PPP2R1A: variants seen among roughly 807,000 people sequenced by gnomAD.
The protein encoded by PPP2R1A is protein phosphatase 2 scaffold subunit Aalpha.
PPP2R1A carries 15 observed loss-of-function variants against 67.1 expected under a neutral mutation model. That is an observed-to-expected ratio of 0.22 (90% CI 0.15 to 0.34). The LOEUF is 0.34. Among genes scored for constraint, PPP2R1A ranks in the 10% least tolerant of loss-of-function variants. The pLI is 1.00. For synonymous variants in PPP2R1A, 337 were observed against 325.0 expected, an observed-to-expected ratio of 1.04 and a Z score of -0.40; for missense variants, 369 against 775.0, an observed-to-expected ratio of 0.48 and a Z score of 6.22.
intron 2 of PPP2R1A, among the ~76,000 whole-genome samples, chr19:52,204,323 C>T (rs1263188553): frequency 6.6e-6 from 1 of 151,974 alleles, no homozygotes; most frequent in Non-Finnish European, 1.5e-5. Flanking sequence ...ATTTCTTTTA[C>T]ACCTGAAAGA....
At chr19:52,202,436 G>A (rs1424227689) in intron 2 of PPP2R1A, among the ~76,000 whole-genome samples, 1 of 152,176 alleles carries the variant, frequency 6.6e-6, no homozygotes, top group African/African-American at 2.4e-5. Context: ...TGTATGCCAG[G>A]TGGTGTTCTA....
Position 52,215,762 on chromosome 19 carries a change from C to T in PPP2R1A, c.808-17C>T, listed in dbSNP as rs1383169086. The T allele has an allele frequency of 4.4e-6, 7 of 1,608,580 alleles. No individual in the cohort carries two copies. Among genetic ancestry groups the T allele is most frequent in the Non-Finnish European group, 6.0e-6 (7 of 1,175,014 alleles). ...GCCAGCCCCTCTCACTCTCCCCCTC[C>T]TCCTTCCTGTCTGCAGCTCCAGAAA... is the stretch of plus-strand genomic sequence containing the variant. On this transcript the variant is annotated splice_polypyrimidine_tract_variant and intron_variant, in intron 6 of 14. Transcript: ENST00000322088.
chr19:52,206,663 G>A (rs1406165698), intron 3 of PPP2R1A, among the ~76,000 whole-genome samples: 1 of 152,118 alleles, frequency 6.6e-6, no homozygotes, highest in African/African-American at 2.4e-5. Flanking sequence ...CTGTCCATTT[G>A]ACTGTCTGCC....
At chr19:52,198,875 T>C (rs1376103465) in intron 1 of PPP2R1A, among the ~76,000 whole-genome samples, 1 of 152,206 alleles carries the variant, frequency 6.6e-6, no homozygotes, top group African/African-American at 2.4e-5. Context: ...GAGGATTCAG[T>C]GTGTTAATCA....
At chr19:52,199,713 T>C (rs1227147586) in intron 1 of PPP2R1A, among the ~76,000 whole-genome samples, 4 of 152,230 alleles carry the variant, frequency 2.6e-5, no homozygotes, top group East Asian at 1.9e-4. Context: ...TGTCTGGCAA[T>C]GTATAGAATA....
At chr19:52,192,704 A>T (rs568249845) in intron 1 of PPP2R1A, among the ~76,000 whole-genome samples, 6 of 152,180 alleles carry the variant, frequency 3.9e-5, no homozygotes, top group African/African-American at 1.4e-4. Flanking sequence ...TAACCAGCAG[A>T]CATTTGTAGG....
At chr19:52,204,228 T>C (rs1405525835) in intron 2 of PPP2R1A, among the ~76,000 whole-genome samples, 2 of 152,096 alleles carry the variant, frequency 1.3e-5, no homozygotes, top group Admixed American at 1.3e-4. Context: ...GACTAGGACA[T>C]GAGGTTGGAG....
intron 1 of PPP2R1A, among the ~76,000 whole-genome samples, chr19:52,194,582 A>G (rs1160161006): frequency 2.7e-5 from 4 of 150,618 alleles, no homozygotes; most frequent in Admixed American, 2.0e-4. Context: ...TGCAGGGGGG[A>G]AGTATGGTTA....
intron 3 of PPP2R1A, among the ~76,000 whole-genome samples, chr19:52,210,217 G>A (rs1162893857): frequency 6.6e-6 from 1 of 152,138 alleles, no homozygotes; most frequent in Non-Finnish European, 1.5e-5. Context: ...CTAATTAAGA[G>A]TTCCTGTCTT....
chr19:52,192,609 C>T lies in PPP2R1A; in HGVS notation c.78+2435C>T, dbSNP rs150263514. ...AATTACAGGCGTGAGCCACTATGCC[C>T]GGCCAGTTTTTTGTTTTTTTTAACT... is the stretch of plus-strand genomic sequence containing the variant. On this transcript the variant is annotated intron_variant, in intron 1 of 14. Coordinates refer to ENST00000322088, the MANE Select transcript of PPP2R1A (RefSeq NM_014225.6). Among the ~76,000 whole-genome samples, 1,124 of 152,196 alleles carry T rather than the reference C, an allele frequency of 7.4e-3. 12 individuals are homozygous for T. Among genetic ancestry groups the T allele is most frequent in the African/African-American group, 0.025 (1,046 of 41,548 alleles).
rs763639942 is a variant in PPP2R1A at position 52,219,887 on chromosome 19, C to T, written c.1302+23C>T. On this transcript the variant is annotated intron_variant, in intron 10 of 14. Coordinates refer to ENST00000322088, the MANE Select transcript of PPP2R1A (RefSeq NM_014225.6). This position sits in a 1 kb window ranked among gnomAD's most constrained non-coding sequence, Gnocchi z 4.0. ...CTGGTGAGTGAGGAGGCCTGGGGGC[C>T]AGGCAGTGCTGCCTCAGGGGAGGTG... 24 of 1,599,202 alleles carry T rather than the reference C, an allele frequency of 1.5e-5. No individual in the cohort carries two copies. Among genetic ancestry groups the T allele is most frequent in the Non-Finnish European group, 2.0e-5 (23 of 1,173,578 alleles).
At chr19:52,207,996 A>G (rs562956980) in intron 3 of PPP2R1A, among the ~76,000 whole-genome samples, 1 of 152,294 alleles carries the variant, frequency 6.6e-6, no homozygotes, top group African/African-American at 2.4e-5. Flanking sequence ...GTTATAAGAA[A>G]TAGAAAATGG....
At chr19:52,190,203 G>A (rs2122268085) in intron 1 of PPP2R1A, 29 bp downstream of exon 1, 2 of 1,547,886 alleles carry the variant, frequency 1.3e-6, no homozygotes, top group African/African-American at 2.7e-5. Context: ...ACTTGGGGAA[G>A]ACGCGGAGGG....
intron 3 of PPP2R1A, 86 bp downstream of exon 3, chr19:52,206,149 CAG>C: frequency 8.2e-7 from 1 of 1,215,602 alleles, no homozygotes; most frequent in South Asian, 1.3e-5. Flanking sequence ...GGGAGCGTGT[CAG>C]AGAGCGTGGG....
intron 12 of PPP2R1A, among the ~76,000 whole-genome samples, chr19:52,221,688 T>C (rs767260822): frequency 1.3e-5 from 2 of 150,412 alleles, no homozygotes; most frequent in Non-Finnish European, 3.0e-5. Flanking sequence ...GAAGTGCTCC[T>C]GTCTATTTGC....
At chr19:52,210,484 CTTTTTTTTTTTTT>C (rs112983236) in intron 3 of PPP2R1A, among the ~76,000 whole-genome samples, 3 of 126,954 alleles carry the variant, frequency 2.4e-5, no homozygotes, top group East Asian at 4.6e-4. Context: ...GTTTTCTCTT[CTTTTTTTTTTTTT>C]TTTTTTTCTT....
intron 10 of PPP2R1A, 137 bp downstream of exon 10, chr19:52,220,001 C>G: frequency 1.6e-6 from 2 of 1,274,232 alleles, no homozygotes; most frequent in Non-Finnish European, 2.2e-6. Flanking sequence ...AGGAAGGGAC[C>G]CAGGAAATAG....
intron 2 of PPP2R1A, among the ~76,000 whole-genome samples, chr19:52,205,548 G>A (rs995718464): frequency 3.3e-5 from 5 of 152,166 alleles, no homozygotes; most frequent in African/African-American, 1.2e-4. Flanking sequence ...ATAAATTTCT[G>A]GCAGAGGGAA....
intron 1 of PPP2R1A, among the ~76,000 whole-genome samples, chr19:52,192,187 A>G (rs922288458): frequency 3.3e-5 from 5 of 152,170 alleles, no homozygotes; most frequent in African/African-American, 1.2e-4. Flanking sequence ...GGGCAGATCC[A>G]TTTTAAGAAG....
Sources: gnomAD v4.1 joint callset for allele counts (sites outside exome capture counted in the v4.1 genomes callset) on GRCh38, gnomAD v4.1.1 for gene constraint, Gnocchi (gnomAD v3.1) non-coding constraint, MANE v1.5 for transcripts, NCBI Gene and HGNC (gene_info 2026-07-23, HGNC 2026-07-21) for gene names.